The following ANKRD45 variants were observed in gnomAD, a reference collection of about 807,000 sequenced individuals.
The protein encoded by ANKRD45 is ankyrin repeat domain 45.
A neutral mutation model predicts 28.1 loss-of-function variants in ANKRD45; 21 were observed. That is an observed-to-expected ratio of 0.75 (90% confidence interval 0.53 to 1.08). The LOEUF is 1.08. Ranked by LOEUF, ANKRD45 falls within the 50% of genes least tolerant of loss-of-function variation. The pLI is 0.00. For missense variants in ANKRD45, 261 were observed against 308.7 expected (o/e 0.85, Z 1.16); for synonymous variants, 86 against 103.9 (o/e 0.83, Z 1.05).
At chr1:173,636,338 A>G (rs867688513) in intron 3 of ANKRD45, among the ~76,000 whole-genome samples, 46 of 152,200 alleles carry the variant, frequency 3.0e-4, no homozygotes, top group African/African-American at 9.9e-4. Flanking sequence ...CTTTTAAACT[A>G]TTACATAATT....
At chr1:173,656,659 C>T (rs1669530264) in intron 2 of ANKRD45, among the ~76,000 whole-genome samples, 1 of 152,158 alleles carries the variant, frequency 6.6e-6, no homozygotes, top group Admixed American at 6.5e-5. Context: ...ATCAGTTCTT[C>T]AGAGCTCATA....
intron 1 of ANKRD45, 92 bp downstream of exon 1, chr1:173,669,725 C>G (rs1177775663): frequency 7.1e-6 from 2 of 281,974 alleles, no homozygotes; most frequent in Non-Finnish European, 1.5e-5. Context: ...CAGCCCTGCC[C>G]GAGCAGCCTG....
upstream of ANKRD45, among the ~76,000 whole-genome samples, chr1:173,670,258 A>C (rs115171888): frequency 6.6e-6 from 1 of 152,166 alleles, no homozygotes; most frequent in African/African-American, 2.4e-5. Flanking sequence ...ACAAGTGCCA[A>C]CTACCTTAGG....
chr1:173,703,209 T>G, the ANKRD45 span, among the ~76,000 whole-genome samples: 2 of 147,774 alleles, frequency 1.4e-5, no homozygotes, highest in Non-Finnish European at 3.0e-5. Context: ...CCCAGCTAAT[T>G]TTTTTTTTTT....
the ANKRD45 span, among the ~76,000 whole-genome samples, chr1:173,683,157 C>CA: frequency 1.3e-5 from 2 of 152,076 alleles, no homozygotes; most frequent in Non-Finnish European, 2.9e-5. Context: ...AACAAATGAT[C>CA]ACACAACTTA....
the ANKRD45 span, among the ~76,000 whole-genome samples, chr1:173,703,358 C>T: frequency 5.9e-5 from 9 of 152,004 alleles, no homozygotes; most frequent in Admixed American, 5.9e-4. Context: ...CGCCTGCCAC[C>T]ACACCTGGCT....
upstream of ANKRD45, among the ~76,000 whole-genome samples, chr1:173,670,793 A>G (rs1670223797): frequency 6.6e-6 from 1 of 152,250 alleles, no homozygotes; most frequent in Non-Finnish European, 1.5e-5. Context: ...GATAGAAAAC[A>G]TCTGAAACTG....
the ANKRD45 span, among the ~76,000 whole-genome samples, chr1:173,700,797 G>T: frequency 5.3e-5 from 8 of 152,162 alleles, no homozygotes; most frequent in Non-Finnish European, 1.0e-4. Flanking sequence ...AAAAGCAATG[G>T]CAACAAAAGC....
At chr1:173,637,852 T>C (rs1271226662) in intron 3 of ANKRD45, among the ~76,000 whole-genome samples, 1 of 152,106 alleles carries the variant, frequency 6.6e-6, no homozygotes, top group Non-Finnish European at 1.5e-5. Flanking sequence ...GGATTAACAT[T>C]CCCCTCTGGG....
At chr1:173,695,547 G>A in the ANKRD45 span, among the ~76,000 whole-genome samples, 4 of 152,112 alleles carry the variant, frequency 2.6e-5, no homozygotes, top group Non-Finnish European at 4.4e-5. Context: ...TCTTTCTTAT[G>A]GTGCCATAGT....
chr1:173,693,328 T>A, the ANKRD45 span, among the ~76,000 whole-genome samples: 1 of 152,156 alleles, frequency 6.6e-6, no homozygotes, highest in Admixed American at 6.6e-5. Context: ...AATTTCCCCA[T>A]TTGTAGCACT....
At chr1:173,634,274 A>G (rs760599307) in intron 3 of ANKRD45, among the ~76,000 whole-genome samples, 12 of 152,030 alleles carry the variant, frequency 7.9e-5, no homozygotes, top group Non-Finnish European at 1.3e-4. Context: ...CAAAACTACA[A>G]TGACATATCA....
intron 3 of ANKRD45, among the ~76,000 whole-genome samples, chr1:173,637,885 G>T (rs1018450030): frequency 9.2e-5 from 14 of 152,270 alleles, no homozygotes; most frequent in Admixed American, 4.6e-4. Flanking sequence ...CCTCTCTCAT[G>T]GGGAGGTGCC....
chr1:173,689,829 A>G, the ANKRD45 span, among the ~76,000 whole-genome samples: 2 of 151,964 alleles, frequency 1.3e-5, no homozygotes, highest in African/African-American at 4.8e-5. Context: ...TGTGGTAGGA[A>G]TGTTTTCATC....
intron 1 of ANKRD45, among the ~76,000 whole-genome samples, 176 bp downstream of exon 1, chr1:173,669,641 G>T (rs1479341621): frequency 6.6e-6 from 1 of 152,164 alleles, no homozygotes; most frequent in Non-Finnish European, 1.5e-5. Context: ...GGCTGCCGGC[G>T]GGGTAGGAGA....
chr1:173,611,343 C>T (rs772299994), intron 5 of ANKRD45, among the ~76,000 whole-genome samples: 2 of 152,140 alleles, frequency 1.3e-5, no homozygotes, highest in Admixed American at 1.3e-4. Context: ...GTTCTACTCA[C>T]AAACTAAGTG....
At chr1:173,630,374 T>C (rs1571713601) in intron 3 of ANKRD45, among the ~76,000 whole-genome samples, 2 of 152,064 alleles carry the variant, frequency 1.3e-5, no homozygotes, top group Non-Finnish European at 2.9e-5. Context: ...GGCGGTACAA[T>C]AGGATATAAA....
At chr1:173,657,458 ACT>A (rs1276949894) in intron 2 of ANKRD45, 1 of 160,846 alleles carries the variant, frequency 6.2e-6, no homozygotes, top group Non-Finnish European at 1.4e-5. Flanking sequence ...ACAGAACAAG[ACT>A]CTGTCTCAAG....
the ANKRD45 span, among the ~76,000 whole-genome samples, chr1:173,711,260 T>G: frequency 6.6e-6 from 1 of 152,212 alleles, no homozygotes; most frequent in East Asian, 1.9e-4. Flanking sequence ...TTGCCAAGGT[T>G]GAGGATGCAC....
Sources: gnomAD v4.1 joint callset for allele counts (sites outside exome capture counted in the v4.1 genomes callset) on GRCh38, gnomAD v4.1.1 for gene constraint, MANE v1.5 for transcripts, NCBI Gene and HGNC (gene_info 2026-07-23, HGNC 2026-07-21) for gene names.